SLC26A8: variants seen among roughly 807,000 people sequenced by gnomAD.
SLC26A8 encodes testis anion transporter 1.
In SLC26A8, 70 loss-of-function variants were observed where a neutral mutation model predicts 105.0. The ratio of observed to expected loss-of-function variants is 0.67; its 90% CI spans 0.55 to 0.81. The LOEUF (loss-of-function observed/expected upper bound fraction) is 0.81. Ranked by LOEUF, SLC26A8 falls within the 40% of genes least tolerant of loss-of-function variation. The pLI is 0.00. For synonymous variants in SLC26A8, 415 were observed against 438.3 expected, an observed-to-expected ratio of 0.95 and a Z score of 0.66; for missense variants, 998 against 1,181.8, an observed-to-expected ratio of 0.84 and a Z score of 2.28.
chr6:36,013,030 T>G (rs895366189), intron 2 of SLC26A8, among the ~76,000 whole-genome samples: 3 of 152,150 alleles, frequency 2.0e-5, no homozygotes, highest in African/African-American at 7.2e-5. Flanking sequence ...GGCCTTGACC[T>G]GTGACATGTA....
chr6:35,971,846 G>A (rs981881808), intron 10 of SLC26A8, among the ~76,000 whole-genome samples: 5 of 152,322 alleles, frequency 3.3e-5, no homozygotes, highest in African/African-American at 4.8e-5. Flanking sequence ...GGGCAAGGCA[G>A]GTCCTTAGAA....
intron 10 of SLC26A8, among the ~76,000 whole-genome samples, chr6:35,973,656 G>T (rs923578048): frequency 1.3e-5 from 2 of 151,976 alleles, no homozygotes; most frequent in African/African-American, 4.8e-5. Flanking sequence ...CCAAAAGATT[G>T]GACACCCCTG....
intron 11 of SLC26A8, among the ~76,000 whole-genome samples, chr6:35,964,008 G>A (rs894796474): frequency 6.6e-6 from 1 of 152,030 alleles, no homozygotes; most frequent in African/African-American, 2.4e-5. Flanking sequence ...CCAGGAGTTC[G>A]AGACCAGCCT....
At chr6:35,963,490 T>C (rs1359784524) in intron 11 of SLC26A8, among the ~76,000 whole-genome samples, 1 of 152,222 alleles carries the variant, frequency 6.6e-6, no homozygotes, top group Non-Finnish European at 1.5e-5. Context: ...ACTGCATCCT[T>C]TCGCAGTGTT....
At chr6:35,988,212 C>T (rs188822397) in intron 7 of SLC26A8, among the ~76,000 whole-genome samples, 3 of 152,098 alleles carry the variant, frequency 2.0e-5, no homozygotes, top group Non-Finnish European at 2.9e-5. Context: ...TGCCCGGCCC[C>T]GAATTCAGCA....
intron 7 of SLC26A8, among the ~76,000 whole-genome samples, chr6:35,987,103 A>G (rs1292821642): frequency 6.6e-6 from 1 of 152,242 alleles, no homozygotes; most frequent in African/African-American, 2.4e-5. Flanking sequence ...GGAAAAGAAT[A>G]TGCACCTCTA....
chr6:35,997,395 C>T (rs1310821237), intron 5 of SLC26A8, among the ~76,000 whole-genome samples: 7 of 152,176 alleles, frequency 4.6e-5, no homozygotes, highest in Admixed American at 3.3e-4. Context: ...CCCGACCTGC[C>T]ATTTGTGGAA....
At chr6:35,991,834 C>T (rs1761174531) in intron 6 of SLC26A8, 26 bp from the exon 7 acceptor site, 2 of 1,552,610 alleles carry the variant, frequency 1.3e-6, no homozygotes, top group African/African-American at 2.8e-5. Flanking sequence ...ATTACGGAGG[C>T]TTAGAAAGGG....
intron 19 of SLC26A8, among the ~76,000 whole-genome samples, chr6:35,946,684 T>C (rs910625087): frequency 5.3e-5 from 8 of 152,214 alleles, no homozygotes; most frequent in Middle Eastern, 3.2e-3. Context: ...AAAAACATAG[T>C]AGATAATGTC....
At chr6:35,977,493 G>A in intron 8 of SLC26A8, 142 bp from the exon 9 acceptor site, 3 of 878,642 alleles carry the variant, frequency 3.4e-6, no homozygotes, top group Non-Finnish European at 1.6e-6. Flanking sequence ...GATTGAGGCA[G>A]CAGCCTGCCA....
At chr6:35,947,087 G>T (rs1771703206) in intron 19 of SLC26A8, among the ~76,000 whole-genome samples, 1 of 152,074 alleles carries the variant, frequency 6.6e-6, no homozygotes, top group Non-Finnish European at 1.5e-5. Context: ...GGAGTGCAGT[G>T]GCAGGATCTC....
At chr6:35,984,321 T>TTA (rs1452026136) in intron 7 of SLC26A8, among the ~76,000 whole-genome samples, 5 of 28,654 alleles carry the variant, frequency 1.7e-4, no homozygotes, top group East Asian at 1.0e-3. Context: ...TTCTTCTTAT[T>TTA]TTTTTTTTTT....
At chr6:35,993,527 A>T (rs1197351239) in intron 5 of SLC26A8, among the ~76,000 whole-genome samples, 1 of 152,138 alleles carries the variant, frequency 6.6e-6, no homozygotes, top group African/African-American at 2.4e-5. Flanking sequence ...GAAGGAAAAT[A>T]AAAAAGGTAT....
chr6:36,012,539 T>G (rs1224638037), intron 2 of SLC26A8, among the ~76,000 whole-genome samples, 167 bp from the exon 3 acceptor site: 1 of 152,244 alleles, frequency 6.6e-6, no homozygotes, highest in African/African-American at 2.4e-5. Context: ...GGCTGTCCTG[T>G]GCATTGCAGG....
chr6:36,023,063 T>G (rs1175964053), intron 1 of SLC26A8, among the ~76,000 whole-genome samples: 1 of 151,576 alleles, frequency 6.6e-6, no homozygotes, highest in African/African-American at 2.4e-5. Flanking sequence ...ACTATAAATA[T>G]AGTGGATTAT....
At chr6:35,977,816 G>A (rs1419404471) in intron 8 of SLC26A8, among the ~76,000 whole-genome samples, 1 of 152,148 alleles carries the variant, frequency 6.6e-6, no homozygotes, top group Non-Finnish European at 1.5e-5. Flanking sequence ...TGGGTGCGGT[G>A]GCTCACGCCT....
At chr6:35,977,019 A>G (rs1171763381) in intron 9 of SLC26A8, among the ~76,000 whole-genome samples, 185 bp downstream of exon 9, 1 of 152,072 alleles carries the variant, frequency 6.6e-6, no homozygotes, top group Admixed American at 6.5e-5. Context: ...GGGCAATAAC[A>G]CTCAGGTTAA....
chr6:35,960,668 A>T (rs780511084), intron 14 of SLC26A8, 175 bp downstream of exon 14: 29 of 668,390 alleles, frequency 4.3e-5, no homozygotes, highest in Non-Finnish European at 6.6e-5. Context: ...GTCTCCAAAA[A>T]AAAAAATAAA....
intron 2 of SLC26A8, among the ~76,000 whole-genome samples, chr6:36,017,210 G>GAAGGAGAAT (rs1554168862): frequency 6.9e-5 from 2 of 28,814 alleles, no homozygotes; most frequent in African/African-American, 1.4e-4. Flanking sequence ...AGGAAGGAAG[G>GAAGGAGAAT]AGAAAAGAAA....
Sources: gnomAD v4.1 joint callset for allele counts (sites outside exome capture counted in the v4.1 genomes callset) on GRCh38, gnomAD v4.1.1 for gene constraint, MANE v1.5 for transcripts, NCBI Gene and HGNC (gene_info 2026-07-23, HGNC 2026-07-21) for gene names.